The following SEMA3E variants were observed in gnomAD, a reference collection of about 807,000 sequenced individuals.
SEMA3E encodes the protein semaphorin 3E, also known as semaphorin-3E.
SEMA3E carries 49 observed loss-of-function variants against 93.6 expected under a neutral mutation model. The observed-to-expected ratio is 0.52, with a 90% CI of 0.42 to 0.66. The LOEUF (loss-of-function observed/expected upper bound fraction) is 0.66, where lower values mean the gene tolerates loss of function less well. Among genes scored for constraint, SEMA3E ranks in the 30% least tolerant of loss-of-function variants. The pLI is 0.00. For synonymous variants in SEMA3E, 363 were observed against 330.7 expected (o/e 1.10, Z -1.06); for missense variants, 906 against 964.8 (o/e 0.94, Z 0.81).
At chr7:83,398,364 C>T (rs180944362) in intron 11 of SEMA3E, among the ~76,000 whole-genome samples, 5 of 152,098 alleles carry the variant, frequency 3.3e-5, no homozygotes, top group Admixed American at 2.6e-4. Context: ...AGAAAAAAAC[C>T]GCAATTACTT....
chr7:83,605,025 C>T (rs528240215), intron 1 of SEMA3E, among the ~76,000 whole-genome samples: 2 of 152,296 alleles, frequency 1.3e-5, no homozygotes, highest in Non-Finnish European at 2.9e-5. Flanking sequence ...TGTATTCAGT[C>T]TATCATTGTT....
intron 1 of SEMA3E, among the ~76,000 whole-genome samples, chr7:83,593,758 G>A (rs971891188): frequency 1.3e-5 from 2 of 151,880 alleles, no homozygotes; most frequent in South Asian, 2.1e-4. Flanking sequence ...TAAGATGCCC[G>A]GGTCTAGAGA....
At chr7:83,508,259 TTTTC>T in intron 1 of SEMA3E, among the ~76,000 whole-genome samples, 1 of 149,092 alleles carries the variant, frequency 6.7e-6, no homozygotes, top group Non-Finnish European at 1.5e-5. Flanking sequence ...ATAATTTTCT[TTTTC>T]TTTTTTTTTT....
chr7:83,563,231 T>G (rs972783415), intron 1 of SEMA3E, among the ~76,000 whole-genome samples: 1 of 152,150 alleles, frequency 6.6e-6, no homozygotes, highest in East Asian at 1.9e-4. Flanking sequence ...CAGCTTATGG[T>G]GTCATGATTA....
At chr7:83,515,293 G>GAA (rs5885363) in intron 1 of SEMA3E, among the ~76,000 whole-genome samples, 6 of 135,206 alleles carry the variant, frequency 4.4e-5, no homozygotes, top group Admixed American at 7.4e-5. Context: ...CTTTTCTTAT[G>GAA]AAAAAAAAAA....
chr7:83,644,304 G>T (rs182445798), intron 1 of SEMA3E, among the ~76,000 whole-genome samples: 101 of 151,968 alleles, frequency 6.6e-4, no homozygotes, highest in Middle Eastern at 3.4e-3. Flanking sequence ...ATGAAATTTG[G>T]AGTGAGTGCA....
intron 2 of SEMA3E, among the ~76,000 whole-genome samples, chr7:83,487,559 G>C (rs1790287468): frequency 6.6e-6 from 1 of 151,366 alleles, no homozygotes; most frequent in Non-Finnish European, 1.5e-5. Flanking sequence ...GAGAGAGAGA[G>C]AGAGAAGAAA....
intron 1 of SEMA3E, among the ~76,000 whole-genome samples, chr7:83,534,948 GC>G (rs1584315191): frequency 6.6e-6 from 1 of 152,150 alleles, no homozygotes; most frequent in East Asian, 1.9e-4. Flanking sequence ...GCAATAATAA[GC>G]CATTCCTCTG....
At chr7:83,581,099 C>T (rs1480067226) in intron 1 of SEMA3E, among the ~76,000 whole-genome samples, 1 of 151,918 alleles carries the variant, frequency 6.6e-6, no homozygotes, top group South Asian at 2.1e-4. Context: ...CATCAGAACA[C>T]AAAAGTCATT....
chr7:83,566,208 G>C (rs1174141358), intron 1 of SEMA3E, among the ~76,000 whole-genome samples: 1 of 147,738 alleles, frequency 6.8e-6, no homozygotes, highest in East Asian at 2.0e-4. Context: ...GGGTTTTACC[G>C]TGCTGGTCAG....
At chr7:83,536,352 C>T (rs1440134409) in intron 1 of SEMA3E, among the ~76,000 whole-genome samples, 1 of 151,830 alleles carries the variant, frequency 6.6e-6, no homozygotes, top group African/African-American at 2.4e-5. Flanking sequence ...TTTCTCATGT[C>T]AAATGTTAAG....
chr7:83,459,189 A>G (rs1300992455), intron 4 of SEMA3E, among the ~76,000 whole-genome samples: 1 of 152,020 alleles, frequency 6.6e-6, no homozygotes, highest in Non-Finnish European at 1.5e-5. Flanking sequence ...GATAAAGACA[A>G]AATCTTAAAA....
intron 1 of SEMA3E, among the ~76,000 whole-genome samples, chr7:83,528,788 A>G (rs1446756895): frequency 1.3e-5 from 2 of 152,146 alleles, no homozygotes; most frequent in Non-Finnish European, 2.9e-5. Flanking sequence ...ACATTTTCAG[A>G]AAGAGAATAT....
intron 1 of SEMA3E, among the ~76,000 whole-genome samples, chr7:83,631,439 T>C (rs1402774525): frequency 6.6e-6 from 1 of 152,198 alleles, no homozygotes; most frequent in Non-Finnish European, 1.5e-5. Context: ...CCATGAAATG[T>C]GTATTTTAAA....
At chr7:83,508,185 T>C (rs1790742738) in intron 1 of SEMA3E, among the ~76,000 whole-genome samples, 1 of 152,104 alleles carries the variant, frequency 6.6e-6, no homozygotes, top group Non-Finnish European at 1.5e-5. Context: ...TTCAAACTGC[T>C]AAAATCTTTT....
chr7:83,461,476 A>C (rs527885660), intron 4 of SEMA3E, among the ~76,000 whole-genome samples: 3 of 152,040 alleles, frequency 2.0e-5, no homozygotes, highest in Non-Finnish European at 4.4e-5. Context: ...ATCCCTCCCC[A>C]TCCTGCCCAA....
chr7:83,600,459 AC>A (rs1792966229), intron 1 of SEMA3E, among the ~76,000 whole-genome samples: 1 of 141,954 alleles, frequency 7.0e-6, no homozygotes, highest in African/African-American at 2.6e-5. Flanking sequence ...AGCTGGGACT[AC>A]AGGCGCCCGC....
chr7:83,616,119 G>A (rs184517851), intron 1 of SEMA3E, among the ~76,000 whole-genome samples: 2 of 152,206 alleles, frequency 1.3e-5, no homozygotes, highest in African/African-American at 4.8e-5. Context: ...CAATAATTAT[G>A]TTCAGTTGGG....
chr7:83,609,034 G>C (rs1793190815), intron 1 of SEMA3E, among the ~76,000 whole-genome samples: 1 of 152,032 alleles, frequency 6.6e-6, no homozygotes, highest in African/African-American at 2.4e-5. Context: ...AAATTACTAA[G>C]TATTGAGAAA....
Sources: gnomAD v4.1 joint callset for allele counts (sites outside exome capture counted in the v4.1 genomes callset) on GRCh38, gnomAD v4.1.1 for gene constraint, MANE v1.5 for transcripts, NCBI Gene and HGNC (gene_info 2026-07-23, HGNC 2026-07-21) for gene names.